The following ROBO2 variants were observed in gnomAD, a reference collection of about 807,000 sequenced individuals.
ROBO2 encodes roundabout homolog 2.
A neutral mutation model predicts 160.8 loss-of-function variants in ROBO2; 53 were observed. The ratio of observed to expected loss-of-function variants is 0.33; its 90% CI spans 0.26 to 0.41. ROBO2 has a LOEUF of 0.41. Ranked by LOEUF, ROBO2 falls within the 10% of genes least tolerant of loss-of-function variation. ROBO2 has a pLI of 1.00. For synonymous variants in ROBO2, 664 were observed against 611.7 expected (o/e 1.09, Z -1.26); for missense variants, 1,577 against 1,722.4 (o/e 0.92, Z 1.49).
chr3:77,187,026 T>C (rs530162879), intron 2 of ROBO2, among the ~76,000 whole-genome samples: 23 of 152,116 alleles, frequency 1.5e-4, no homozygotes, highest in South Asian at 8.3e-4. Context: ...TCGCAGCTAT[T>C]GTTTCTTCTG....
At chr3:77,138,541 T>A (rs2076456172) in intron 2 of ROBO2, among the ~76,000 whole-genome samples, 1 of 152,192 alleles carries the variant, frequency 6.6e-6, no homozygotes, top group South Asian at 2.1e-4. Context: ...TAGAGAGACA[T>A]CATGGGATAT....
intron 2 of ROBO2, among the ~76,000 whole-genome samples, chr3:77,158,658 T>C (rs1226438071): frequency 1.3e-5 from 2 of 152,154 alleles, no homozygotes; most frequent in Non-Finnish European, 2.9e-5. Flanking sequence ...ACTAAAAGTA[T>C]GTGCTAAGAG....
At chr3:76,287,587 G>T (rs531815229) in intron 2 of ROBO2, among the ~76,000 whole-genome samples, 1 of 152,042 alleles carries the variant, frequency 6.6e-6, no homozygotes, top group Non-Finnish European at 1.5e-5. Flanking sequence ...GGCATGAGCC[G>T]CCGTGCCCGG....
At chr3:76,544,082 C>G (rs985520626) in intron 2 of ROBO2, among the ~76,000 whole-genome samples, 2 of 152,016 alleles carry the variant, frequency 1.3e-5, no homozygotes, top group African/African-American at 4.8e-5. Context: ...CCCACAATAG[C>G]CTTTCACCCA....
chr3:77,481,046 C>T, intron 3 of ROBO2, 53 bp from the exon 4 acceptor site: 1 of 1,446,898 alleles, frequency 6.9e-7, no homozygotes, highest in Non-Finnish European at 9.7e-7. Context: ...CCTTTATTTT[C>T]TATTCTGTTC....
At chr3:77,236,239 A>T (rs1187988823) in intron 2 of ROBO2, among the ~76,000 whole-genome samples, 1 of 152,234 alleles carries the variant, frequency 6.6e-6, no homozygotes, top group East Asian at 1.9e-4. Context: ...TTATCTAGAG[A>T]CCTGGAATCA....
At chr3:76,445,456 A>G (rs2077130672) in intron 2 of ROBO2, among the ~76,000 whole-genome samples, 1 of 152,216 alleles carries the variant, frequency 6.6e-6, no homozygotes, top group Non-Finnish European at 1.5e-5. Context: ...CAGCTTCAAA[A>G]TATTCTCCGT....
At chr3:77,452,803 G>T (rs905559059) in intron 2 of ROBO2, among the ~76,000 whole-genome samples, 1 of 152,030 alleles carries the variant, frequency 6.6e-6, no homozygotes, top group African/African-American at 2.4e-5. Context: ...TTTAATTATA[G>T]AAATCAATGG....
At chr3:76,747,989 A>T (rs188713584) in intron 2 of ROBO2, among the ~76,000 whole-genome samples, 2 of 152,048 alleles carry the variant, frequency 1.3e-5, no homozygotes, top group Admixed American at 1.3e-4. Context: ...TGGTTTGGAA[A>T]CTCCATATCA....
chr3:77,464,117 C>A (rs1337914130), intron 2 of ROBO2, among the ~76,000 whole-genome samples: 1 of 152,086 alleles, frequency 6.6e-6, no homozygotes, highest in Non-Finnish European at 1.5e-5. Context: ...TTTTTTTAAA[C>A]CTTCATTTTA....
chr3:77,503,028 T>A (rs2087850471), intron 5 of ROBO2, among the ~76,000 whole-genome samples: 1 of 152,004 alleles, frequency 6.6e-6, no homozygotes, highest in South Asian at 2.1e-4. Context: ...GTAAGTATAG[T>A]CAATAATAAC....
chr3:77,631,962 G>A (rs1314735667), intron 23 of ROBO2: 3 of 151,950 alleles, frequency 2.0e-5, no homozygotes, highest in African/African-American at 7.2e-5. Context: ...GTGAATTTTT[G>A]TTGTTATTTG....
At chr3:77,602,184 G>A (rs2094442318) in intron 19 of ROBO2, 26 bp from the exon 21 acceptor site, 1 of 1,613,850 alleles carries the variant, frequency 6.2e-7, no homozygotes, top group Non-Finnish European at 8.5e-7. Flanking sequence ...TCATTAAATT[G>A]TTTCATTTCC....
intron 2 of ROBO2, among the ~76,000 whole-genome samples, chr3:77,267,756 G>C (rs17015109): frequency 0.017 from 2,633 of 152,246 alleles, 66 homozygotes; most frequent in East Asian, 0.091. Flanking sequence ...CTTGACCCTT[G>C]ACTGATGGGC....
chr3:77,367,753 A>G (rs1236939267), intron 2 of ROBO2, among the ~76,000 whole-genome samples: 1 of 152,108 alleles, frequency 6.6e-6, no homozygotes, highest in Non-Finnish European at 1.5e-5. Flanking sequence ...TATTCTGTTT[A>G]TCCTCTCCAT....
intron 2 of ROBO2, among the ~76,000 whole-genome samples, chr3:76,178,849 G>C (rs192326807): frequency 4.3e-4 from 65 of 152,222 alleles, no homozygotes; most frequent in African/African-American, 1.5e-3. Flanking sequence ...GCTGAAGCAG[G>C]AGAATCGCTT....
chr3:76,258,600 T>G (rs1263194233), intron 2 of ROBO2, among the ~76,000 whole-genome samples: 1 of 152,076 alleles, frequency 6.6e-6, no homozygotes, highest in African/African-American at 2.4e-5. Context: ...GTTTCTTTCA[T>G]GGTTCTGTTG....
intron 1 of ROBO2, among the ~76,000 whole-genome samples, chr3:77,068,941 G>A (rs1041566205): frequency 5.3e-5 from 8 of 151,966 alleles, no homozygotes; most frequent in African/African-American, 9.7e-5. Context: ...ATGCTATTTC[G>A]TGACTCATAA....
At chr3:77,573,380 G>C (rs1004727397) in intron 13 of ROBO2, among the ~76,000 whole-genome samples, 2 of 151,688 alleles carry the variant, frequency 1.3e-5, no homozygotes, top group African/African-American at 4.8e-5. Flanking sequence ...TTCATTTTTA[G>C]GTGATTGTCA....
Sources: allele counts gnomAD v4.1 joint callset (sites outside exome capture counted in the v4.1 genomes callset), GRCh38; gene constraint gnomAD v4.1.1; transcripts MANE v1.5; gene names NCBI Gene and HGNC (gene_info 2026-07-23, HGNC 2026-07-21).